Variants in BIN3 observed in about 807,000 individuals in gnomAD.
BIN3 encodes bridging integrator 3.
A neutral mutation model predicts 38.2 loss-of-function variants in BIN3; 41 were observed. The observed-to-expected ratio is 1.07, with a 90% CI of 0.84 to 1.39. BIN3 has a LOEUF of 1.39. Among genes scored for constraint, BIN3 ranks in the 40% most tolerant of loss-of-function variants. The probability of loss-of-function intolerance (pLI) is 0.00; values close to 1 mark genes in which losing one functional copy is unlikely to be tolerated. For synonymous variants in BIN3, 145 were observed against 122.6 expected (o/e 1.18, Z -1.21); for missense variants, 361 against 324.3 (o/e 1.11, Z -0.87).
chr8:22,641,951 G>T (rs3735897), intron 2 of BIN3, among the ~76,000 whole-genome samples: 6,180 of 152,164 alleles, frequency 0.041, 152 homozygotes, highest in Middle Eastern at 0.068. Flanking sequence ...GGTTAGGATC[G>T]GGATCGGGGG....
At chr8:22,652,756 TAATA>T (rs1196961165) in intron 1 of BIN3, among the ~76,000 whole-genome samples, 1 of 152,228 alleles carries the variant, frequency 6.6e-6, no homozygotes, top group East Asian at 1.9e-4. Context: ...TTTTAAAAGC[TAATA>T]AATGACACAA....
intron 1 of BIN3, among the ~76,000 whole-genome samples, chr8:22,647,347 A>G (rs1409121037): frequency 6.6e-6 from 1 of 152,186 alleles, no homozygotes; most frequent in African/African-American, 2.4e-5. Flanking sequence ...GTAAGTTACC[A>G]TAGAAATTTT....
At chr8:22,621,811 C>A (rs1435162703) in intron 8 of BIN3, among the ~76,000 whole-genome samples, 1 of 152,250 alleles carries the variant, frequency 6.6e-6, no homozygotes, top group Non-Finnish European at 1.5e-5. Context: ...CTCCTGGTTC[C>A]CCCAGCAGCA....
chr8:22,633,906 G>A (rs1257782907), intron 4 of BIN3, among the ~76,000 whole-genome samples: 1 of 152,234 alleles, frequency 6.6e-6, no homozygotes, highest in Non-Finnish European at 1.5e-5. Flanking sequence ...CACTGTCTCT[G>A]CCCACATCCA....
chr8:22,645,165 CAAAA>C (rs61368703), intron 1 of BIN3, among the ~76,000 whole-genome samples: 2 of 120,344 alleles, frequency 1.7e-5, no homozygotes, highest in African/African-American at 5.7e-5. Context: ...ACCCTATCTC[CAAAA>C]AAAAAAAAAA....
At chr8:22,628,833 C>T (rs1011343762) in intron 6 of BIN3, among the ~76,000 whole-genome samples, 1 of 152,172 alleles carries the variant, frequency 6.6e-6, no homozygotes, top group Non-Finnish European at 1.5e-5. Flanking sequence ...CAGTCTGTCC[C>T]GAAGCCCAGG....
intron 1 of BIN3, among the ~76,000 whole-genome samples, chr8:22,658,625 A>C (rs1044094636): frequency 5.9e-5 from 9 of 152,208 alleles, no homozygotes; most frequent in African/African-American, 2.2e-4. Context: ...CCAGAACCCT[A>C]AACCTGCTTC....
rs564848786 is a variant in BIN3, at chr8:22,631,735, G to A, written c.161-1157C>T. Among the ~76,000 whole-genome samples, 3 of 152,260 alleles carry A rather than the reference G, an allele frequency of 2.0e-5. No individual in the cohort carries two copies. In the South Asian group the frequency reaches 6.2e-4, roughly 32 times the overall value. On this transcript the variant is annotated intron_variant, in intron 4 of 8. Coordinates refer to ENST00000276416, the MANE Select transcript of BIN3 (RefSeq NM_018688.6). ...AGGCACCCTGGTACCGGATCCCCATGAATGTGCCGCCCACCCCTCTGTGCT... is the reference window on the plus strand; with the variant it reads ...AGGCACCCTGGTACCGGATCCCCATAAATGTGCCGCCCACCCCTCTGTGCT...
At chr8:22,628,293 G>A (rs771026820) in intron 6 of BIN3, among the ~76,000 whole-genome samples, 18 of 152,188 alleles carry the variant, frequency 1.2e-4, no homozygotes, top group Admixed American at 2.0e-4. Flanking sequence ...CCATGTGGCC[G>A]TGATCTTCAT....
intron 1 of BIN3, 115 bp from the exon 2 acceptor site, chr8:22,644,918 G>T (rs1242277005): frequency 1.1e-5 from 10 of 890,702 alleles, no homozygotes; most frequent in Non-Finnish European, 1.8e-5. Context: ...CGTGGCCATG[G>T]CTTGCTACTT....
intron 4 of BIN3, among the ~76,000 whole-genome samples, chr8:22,630,959 G>C (rs1802179453): frequency 6.6e-6 from 1 of 152,150 alleles, no homozygotes. Flanking sequence ...GTGATGCTTG[G>C]TTTGGGACTC....
At chr8:22,623,835 C>A (rs1447143385) in intron 8 of BIN3, 80 bp downstream of exon 8, 3 of 1,501,684 alleles carry the variant, frequency 2.0e-6, no homozygotes, top group East Asian at 4.7e-5. Context: ...AATGGCTAAG[C>A]CACCCTTCCA....
chr8:22,647,251 C>T (rs1182170910), intron 1 of BIN3, among the ~76,000 whole-genome samples: 1 of 152,174 alleles, frequency 6.6e-6, no homozygotes, highest in Admixed American at 6.5e-5. Context: ...GACAAGGGAC[C>T]AAGAATCAGA....
chr8:22,622,490 C>T (rs10094324), intron 8 of BIN3: 18,765 of 152,496 alleles, frequency 0.12, 2,493 homozygotes, highest in African/African-American at 0.33. Flanking sequence ...GCCCACCCTG[C>T]CCCCACTCCC....
At chr8:22,634,710 C>A (rs1346667270) in intron 4 of BIN3, among the ~76,000 whole-genome samples, 4 of 152,116 alleles carry the variant, frequency 2.6e-5, no homozygotes, top group Non-Finnish European at 5.9e-5. Flanking sequence ...GCACTAGGCT[C>A]ACAGACAGCC....
At chr8:22,656,477 A>C (rs1803060416) in intron 1 of BIN3, among the ~76,000 whole-genome samples, 1 of 152,200 alleles carries the variant, frequency 6.6e-6, no homozygotes, top group African/African-American at 2.4e-5. Context: ...AAAGAAGAAA[A>C]ATAACTAATT....
intron 6 of BIN3, among the ~76,000 whole-genome samples, chr8:22,626,806 T>G (rs1050479641): frequency 1.4e-4 from 22 of 152,202 alleles, no homozygotes; most frequent in Non-Finnish European, 2.6e-4. Context: ...TCCAGCAGCC[T>G]GACCCCCCAA....
At chr8:22,651,050 G>A (rs1361324010) in intron 1 of BIN3, among the ~76,000 whole-genome samples, 1 of 152,018 alleles carries the variant, frequency 6.6e-6, no homozygotes, top group East Asian at 1.9e-4. Context: ...AAACTCGTAA[G>A]AGTTTCCAAG....
chr8:22,621,710 G>T, intron 8 of BIN3, 142 bp from the exon 9 acceptor site: 1 of 865,142 alleles, frequency 1.2e-6, no homozygotes, highest in Non-Finnish European at 1.8e-6. Context: ...GATATGCAGG[G>T]CACGGAAGGG....
Sources: gnomAD v4.1 joint callset for allele counts (sites outside exome capture counted in the v4.1 genomes callset) on GRCh38, gnomAD v4.1.1 for gene constraint, MANE v1.5 for transcripts, NCBI Gene and HGNC (gene_info 2026-07-23, HGNC 2026-07-21) for gene names.